Variants in SLAMF6 observed in about 807,000 individuals in gnomAD.
SLAMF6 encodes the protein SLAM family member 6.
In SLAMF6, 21 loss-of-function variants were observed where a neutral mutation model predicts 38.3. The ratio of observed to expected loss-of-function variants is 0.55; its 90% CI spans 0.39 to 0.79. The LOEUF is 0.79. SLAMF6 is among the 30% of genes least tolerant of loss of function. The probability of loss-of-function intolerance (pLI) is 0.00; values close to 1 mark genes in which losing one functional copy is unlikely to be tolerated. For synonymous variants in SLAMF6, 152 were observed against 146.3 expected, an observed-to-expected ratio of 1.04 and a Z score of -0.28; for missense variants, 341 against 385.3, an observed-to-expected ratio of 0.89 and a Z score of 0.96.
intron 2 of SLAMF6, among the ~76,000 whole-genome samples, chr1:160,492,068 C>T (rs939675422): frequency 6.6e-6 from 1 of 152,088 alleles, no homozygotes; most frequent in Non-Finnish European, 1.5e-5. Flanking sequence ...AGAAGTGCGG[C>T]GTATCTAGGC....
At position 160,523,076 on chromosome 1, in the gene SLAMF6, T is replaced by C. The variant is rs1655061924; in HGVS notation, c.49+68A>G. ...GCCAGACAACTGTATACAGACGATT[T>C]AGGTTGAGCAAGCTGCACAAAACCA... On this transcript the variant is annotated intron_variant, in intron 1 of 7. Transcript: ENST00000368057. The C allele has an allele frequency of 1.9e-6, 3 of 1,551,414 alleles. No homozygotes were observed. The African/African-American group carries it at 4.1e-5, about 21-fold the overall frequency.
intron 1 of SLAMF6, among the ~76,000 whole-genome samples, chr1:160,522,446 T>C (rs1321600087): frequency 6.6e-6 from 1 of 152,164 alleles, no homozygotes; most frequent in Non-Finnish European, 1.5e-5. Context: ...ATGCTACACT[T>C]TGTCTCCCGT....
chr1:160,491,124 C>A lies in SLAMF6; in HGVS notation c.646+1G>T, dbSNP rs1653271552. On this transcript the variant is annotated splice_donor_variant, in intron 3 of 7. Coordinates refer to ENST00000368057, the MANE Select transcript of SLAMF6 (RefSeq NM_001184714.2). LOFTEE classifies it high-confidence loss of function. ...CTCTCAGACCTGAGGCAGGCTGTTA[C>A]CTTCGCAAAGCTTCTGGGCAGAGAC... 2 of 1,613,210 alleles carry A rather than the reference C, an allele frequency of 1.2e-6. No individual in the cohort carries two copies. Among genetic ancestry groups the A allele is most frequent in the Admixed American group, 1.7e-5 (1 of 59,980 alleles).
At chr1:160,507,401 C>A (rs1654243916) in intron 1 of SLAMF6, among the ~76,000 whole-genome samples, 1 of 151,950 alleles carries the variant, frequency 6.6e-6, no homozygotes, top group African/African-American at 2.4e-5. Context: ...CAAACAGTAA[C>A]AAAATTCAAG....
chr1:160,521,171 G>T (rs925999958), intron 1 of SLAMF6, among the ~76,000 whole-genome samples: 1 of 152,130 alleles, frequency 6.6e-6, no homozygotes, highest in Admixed American at 6.6e-5. Flanking sequence ...AGACTCCGGA[G>T]CCAAGCTTCC....
At chr1:160,487,253 G>A in intron 6 of SLAMF6, 78 bp from the exon 7 acceptor site, 1 of 1,305,014 alleles carries the variant, frequency 7.7e-7, no homozygotes, top group Non-Finnish European at 1.1e-6. Flanking sequence ...AGGAAAGACT[G>A]TGTGACAAAA....
chr1:160,520,162 A>G (rs554061918), intron 1 of SLAMF6, among the ~76,000 whole-genome samples: 96 of 152,286 alleles, frequency 6.3e-4, no homozygotes, highest in African/African-American at 2.2e-3. Flanking sequence ...TAAAAAGTAG[A>G]TAACACTGCT....
chr1:160,509,984 G>GAATTAGTTGAATT (rs1654391554), intron 1 of SLAMF6, among the ~76,000 whole-genome samples: 1 of 151,964 alleles, frequency 6.6e-6, no homozygotes, highest in Non-Finnish European at 1.5e-5. Flanking sequence ...ATAACTATAT[G>GAATTAGTTGAATT]CCAACAAATT....
At chr1:160,504,076 A>C (rs1654055990) in intron 1 of SLAMF6, among the ~76,000 whole-genome samples, 1 of 151,944 alleles carries the variant, frequency 6.6e-6, no homozygotes, top group South Asian at 2.1e-4. Context: ...AATACATAGA[A>C]ACAAAGTATA....
At chr1:160,502,713 G>A (rs1653976899) in intron 1 of SLAMF6, among the ~76,000 whole-genome samples, 1 of 152,276 alleles carries the variant, frequency 6.6e-6, no homozygotes, top group East Asian at 1.9e-4. Context: ...GAAAAAGAGA[G>A]AAAAGTCAAG....
Position 160,518,349 on chromosome 1 carries a change from G to C in SLAMF6, c.49+4795C>G, listed in dbSNP as rs76673744. ...CAACTATTCTGGAAGACAATGCGGGGACTCCTCAAAGACCTAGAGGCAGAA... is the reference window on the plus strand; with the variant it reads ...CAACTATTCTGGAAGACAATGCGGGCACTCCTCAAAGACCTAGAGGCAGAA... On this transcript the variant is annotated intron_variant, in intron 1 of 7. Transcript: ENST00000368057. 2.4e-3 allele frequency among the ~76,000 whole-genome samples: 359 copies of C among 152,252 alleles called. 10 individuals are homozygous for C. In the East Asian group the frequency reaches 0.049, roughly 21 times the overall value.
At chr1:160,490,723 C>T (rs1271877519) in intron 3 of SLAMF6, 38 bp from the exon 4 acceptor site, 2 of 1,604,594 alleles carry the variant, frequency 1.2e-6, no homozygotes. Flanking sequence ...TGAGACACAT[C>T]AAGTGAGGCC....
chr1:160,522,184 G>C (rs1655013870), intron 1 of SLAMF6, among the ~76,000 whole-genome samples: 2 of 152,120 alleles, frequency 1.3e-5, no homozygotes, highest in Admixed American at 6.5e-5. Flanking sequence ...TATTACAAGA[G>C]CTTGTCGCAT....
intron 1 of SLAMF6, among the ~76,000 whole-genome samples, chr1:160,516,084 C>T (rs571560497): frequency 2.0e-5 from 3 of 152,144 alleles, no homozygotes; most frequent in East Asian, 1.9e-4. Context: ...GCAGATGACA[C>T]GATCCTATAT....
chr1:160,491,203 C>T lies in SLAMF6; in HGVS notation c.568G>A (p.Glu190Lys). ...TVSWDPRISSEQDYTCIAENA... is the reference protein window; with the variant it reads ...TVSWDPRISSKQDYTCIAENA... ...TCTGCTATGCAGGTGTAGTCCTGTTCACTGGAAATCCTGGGGTCCCAGGAG... is the reference window on the plus strand; with the variant it reads ...TCTGCTATGCAGGTGTAGTCCTGTTTACTGGAAATCCTGGGGTCCCAGGAG... The change falls in exon 3 of 8, where the codon GAA (glutamate) becomes AAA (lysine). Residue 190 changes from glutamate to lysine, a missense_variant. Glu to Lys is a moderately conservative substitution (Grantham distance 56). Transcript: ENST00000368057. 5 of 1,614,040 alleles carry T rather than the reference C, an allele frequency of 3.1e-6. No homozygotes were observed. The highest frequency in any genetic ancestry group is 4.2e-6 in the Non-Finnish European group (5 of 1,179,974).
chr1:160,487,239 T>G, intron 6 of SLAMF6, 64 bp from the exon 7 acceptor site: 1 of 1,391,360 alleles, frequency 7.2e-7, no homozygotes, highest in Non-Finnish European at 1.0e-6. Flanking sequence ...ATAGATATAT[T>G]CTTAGGAAAG....
chr1:160,487,097 G>A lies in SLAMF6; in HGVS notation c.951+7C>T, dbSNP rs1415648169. ...AATATAAAAACATGGAGCAATCGTG[G>A]GCTTACCTCTTTGGAATGATTAATT... On this transcript the variant is annotated splice_region_variant and intron_variant, in intron 7 of 7. Coordinates refer to ENST00000368057, the MANE Select transcript of SLAMF6 (RefSeq NM_001184714.2). 1 of 1,603,642 alleles carries A rather than the reference G, an allele frequency of 6.2e-7. No homozygotes were observed. Among genetic ancestry groups the A allele is most frequent in the East Asian group, 2.2e-5 (1 of 44,796 alleles).
At position 160,491,209 on chromosome 1, in the gene SLAMF6, A is replaced by C. The variant is rs759204906; in HGVS notation, c.562T>G (p.Ser188Ala). The change falls in exon 3 of 8, where the codon TCC (serine) becomes GCC (alanine). Residue 188 changes from serine (S) to alanine (A), a missense_variant. By Grantham distance (99) the Ser-to-Ala change is moderately conservative. Transcript: ENST00000368057. Reference protein sequence around the residue: ...NLTVSWDPRISSEQDYTCIAE... With the variant: ...NLTVSWDPRIASEQDYTCIAE... Reference sequence around the variant, plus strand: ...ATGCAGGTGTAGTCCTGTTCACTGGAAATCCTGGGGTCCCAGGAGACAGTG... The same window carrying C: ...ATGCAGGTGTAGTCCTGTTCACTGGCAATCCTGGGGTCCCAGGAGACAGTG... 2 of 1,613,976 alleles carry C rather than the reference A, an allele frequency of 1.2e-6. No individual in the cohort carries two copies. Among genetic ancestry groups the C allele is most frequent in the African/African-American group, 2.7e-5 (2 of 74,892 alleles).
chr1:160,498,142 G>T (rs1379292206), intron 1 of SLAMF6, among the ~76,000 whole-genome samples: 1 of 151,328 alleles, frequency 6.6e-6, no homozygotes, highest in Non-Finnish European at 1.5e-5. Flanking sequence ...GTGGGACCTA[G>T]CACCTGTTTT....
Sources: allele counts gnomAD v4.1 joint callset (sites outside exome capture counted in the v4.1 genomes callset), GRCh38; gene constraint gnomAD v4.1.1; transcripts MANE v1.5; gene names NCBI Gene and HGNC (gene_info 2026-07-23, HGNC 2026-07-21).